RBFOX3: variants seen among roughly 807,000 people sequenced by gnomAD.
RBFOX3 encodes the protein RNA binding fox-1 homolog 3.
A neutral mutation model predicts 48.7 loss-of-function variants in RBFOX3; 17 were observed. The ratio of observed to expected loss-of-function variants is 0.35; its 90% confidence interval spans 0.24 to 0.52. RBFOX3 has a LOEUF of 0.52. Among genes scored for constraint, RBFOX3 ranks in the 20% least tolerant of loss-of-function variants. The pLI is 0.94. For missense variants in RBFOX3, 382 were observed against 497.5 expected (o/e 0.77, Z 2.21); for synonymous variants, 212 against 209.5 (o/e 1.01, Z -0.10).
At chr17:79,532,828 C>CGTGTGTGTGT (rs3075254) in intron 1 of RBFOX3, among the ~76,000 whole-genome samples, 6 of 151,838 alleles carry the variant, frequency 4.0e-5, no homozygotes, top group Admixed American at 1.3e-4. Flanking sequence ...CTATTGAACA[C>CGTGTGTGTGT]GTGTGTGTGT....
At chr17:79,555,356 T>C (rs2091568291) in intron 1 of RBFOX3, among the ~76,000 whole-genome samples, 1 of 100,506 alleles carries the variant, frequency 9.9e-6, no homozygotes, top group Non-Finnish European at 1.9e-5. Context: ...GTGGTGGTGG[T>C]GATGGTGGTG....
In RBFOX3 at chr17:79,125,720, C is replaced by T. The variant is rs1035700024; in HGVS notation, c.-33-9972G>A. On this transcript the variant is annotated intron_variant, in intron 4 of 14. Coordinates refer to ENST00000693108, the MANE Select transcript of RBFOX3 (RefSeq NM_001350451.2). Reference sequence around the variant, plus strand: ...ATTGCCTTCAGACGGCTCCCGCCTGCGGGAAGGGCGCCGCGTGGCCCTGGG... The same window carrying T: ...ATTGCCTTCAGACGGCTCCCGCCTGTGGGAAGGGCGCCGCGTGGCCCTGGG... 2.4e-4 allele frequency among the ~76,000 whole-genome samples: 36 copies of T among 152,346 alleles called. 1 individual carries two copies. In the Middle Eastern group the frequency reaches 0.017, roughly 72 times the overall value.
chr17:79,529,807 T>A (rs1242747997), intron 1 of RBFOX3, among the ~76,000 whole-genome samples: 3 of 152,188 alleles, frequency 2.0e-5, no homozygotes. Context: ...GAAGAGGGGC[T>A]GGCAAACTCC....
At chr17:79,255,704 C>T (rs2064717920) in intron 3 of RBFOX3, among the ~76,000 whole-genome samples, 1 of 152,068 alleles carries the variant, frequency 6.6e-6, no homozygotes, top group Non-Finnish European at 1.5e-5. Flanking sequence ...CCTGGCCTCC[C>T]AGTCCAGCTG....
chr17:79,470,645 ACAGCCCACG>A (rs1383495467), intron 2 of RBFOX3, among the ~76,000 whole-genome samples: 16 of 152,246 alleles, frequency 1.1e-4, no homozygotes, highest in African/African-American at 3.1e-4. Context: ...GGCTGGCCAC[ACAGCCCACG>A]CATGTGCCTC....
intron 4 of RBFOX3, among the ~76,000 whole-genome samples, chr17:79,130,615 G>A (rs1334732741): frequency 6.6e-6 from 1 of 152,246 alleles, no homozygotes; most frequent in East Asian, 1.9e-4. Context: ...CGGTCCAGCA[G>A]GGAGGCGCTG....
intron 2 of RBFOX3, among the ~76,000 whole-genome samples, chr17:79,323,523 G>A (rs528629751): frequency 1.2e-4 from 18 of 152,342 alleles, no homozygotes; most frequent in African/African-American, 4.1e-4. Context: ...AGCACGTTTT[G>A]CAGCCAGGAG....
chr17:79,348,571 CTTTTTTTTTTTTTTT>C (rs71358701), intron 2 of RBFOX3, among the ~76,000 whole-genome samples: 1 of 75,144 alleles, frequency 1.3e-5, no homozygotes, highest in Non-Finnish European at 2.3e-5. Context: ...TTTTCTTTTC[CTTTTTTTTTTTTTTT>C]TTTTTTTTTT....
intron 1 of RBFOX3, chr17:79,508,722 GCACACCCCACACTCCGCACACCCCA>G (rs1460414599): frequency 6.6e-6 from 1 of 152,138 alleles, no homozygotes. Context: ...GGTATACCGT[GCACACCCCACACTCCGCACACCCCA>G]CACACCCCGC....
chr17:79,212,700 A>G lies in RBFOX3; in HGVS notation c.-34+23066T>C, dbSNP rs918902409. Among the ~76,000 whole-genome samples the G allele has an allele frequency of 6.6e-6, 1 of 152,100 alleles. No individual in the cohort carries two copies. Among genetic ancestry groups the G allele is most frequent in the Non-Finnish European group, 1.5e-5 (1 of 68,006 alleles). On this transcript the variant is annotated intron_variant, in intron 4 of 14. Coordinates refer to ENST00000693108, the MANE Select transcript of RBFOX3 (RefSeq NM_001350451.2). The surrounding 1 kb of genome is among the most constrained non-coding windows in gnomAD (Gnocchi z 4.7). ...CACAAATGTCGCTGACAGTCCCCAC[A>G]CTACCACTTGTTTCCCCTTTTGTCC...
At chr17:79,109,794 C>T (rs1045402087) in intron 5 of RBFOX3, among the ~76,000 whole-genome samples, 1 of 151,782 alleles carries the variant, frequency 6.6e-6, no homozygotes. Context: ...ACCAGCCCCG[C>T]GCCCACCCAC....
intron 3 of RBFOX3, among the ~76,000 whole-genome samples, chr17:79,297,496 A>G (rs2074590116): frequency 6.6e-6 from 1 of 152,182 alleles, no homozygotes; most frequent in Non-Finnish European, 1.5e-5. Context: ...ACCCCTTCCA[A>G]TCAGCAATCC....
intron 1 of RBFOX3, among the ~76,000 whole-genome samples, chr17:79,528,636 G>A (rs2087184878): frequency 1.3e-5 from 2 of 151,954 alleles, no homozygotes; most frequent in African/African-American, 4.8e-5. Context: ...CAATATAACT[G>A]GTGTTGTCCC....
intron 2 of RBFOX3, among the ~76,000 whole-genome samples, chr17:79,353,078 C>G (rs2084271175): frequency 6.6e-6 from 1 of 152,258 alleles, no homozygotes. Context: ...GATGTATCTG[C>G]TGCACAGGAG....
chr17:79,478,010 G>T (rs570487665), intron 2 of RBFOX3, among the ~76,000 whole-genome samples: 1 of 152,182 alleles, frequency 6.6e-6, no homozygotes, highest in Admixed American at 6.5e-5. Context: ...TGGGAGCAAC[G>T]TCCCATCCGC....
At chr17:79,596,362 G>A (rs1430464665) in intron 1 of RBFOX3, among the ~76,000 whole-genome samples, 7 of 152,170 alleles carry the variant, frequency 4.6e-5, no homozygotes, top group Non-Finnish European at 8.8e-5. Flanking sequence ...TCCTCTGACA[G>A]CCCTCTGCCC....
At chr17:79,207,983 G>C (rs1423042897) in intron 4 of RBFOX3, among the ~76,000 whole-genome samples, 2 of 152,146 alleles carry the variant, frequency 1.3e-5, no homozygotes, top group Non-Finnish European at 2.9e-5. Context: ...CGGGAGCCTC[G>C]GCAAGCCTCG....
At chr17:79,155,640 T>C (rs1013990663) in intron 4 of RBFOX3, among the ~76,000 whole-genome samples, 4 of 151,798 alleles carry the variant, frequency 2.6e-5, no homozygotes, top group African/African-American at 9.7e-5. Flanking sequence ...AAGGACCCTG[T>C]CCCTTAGGGG....
upstream of RBFOX3, among the ~76,000 whole-genome samples, chr17:79,611,183 T>TTCTCTC (rs1196349028): frequency 1.9e-3 from 77 of 41,498 alleles, 8 homozygotes; most frequent in African/African-American, 0.013. Flanking sequence ...TCCGCCCTCC[T>TTCTCTC]TCTCTCTCTC....
Sources: allele counts gnomAD v4.1 joint callset (sites outside exome capture counted in the v4.1 genomes callset), GRCh38; gene constraint gnomAD v4.1.1; non-coding constraint Gnocchi (gnomAD v3.1); transcripts MANE v1.5; gene names NCBI Gene and HGNC (gene_info 2026-07-23, HGNC 2026-07-21).